The following RIPPLY3 variants were observed in gnomAD, a reference collection of about 807,000 sequenced individuals.
RIPPLY3 encodes protein ripply3.
In RIPPLY3, 8 loss-of-function variants were observed where a neutral mutation model predicts 11.9. The observed-to-expected ratio is 0.67, with a 90% CI of 0.40 to 1.21. RIPPLY3 has a LOEUF of 1.21. Ranked by LOEUF, RIPPLY3 falls within the 50% of genes most tolerant of loss-of-function variation. The pLI, the probability that RIPPLY3 is intolerant of heterozygous loss-of-function variation, is 0.01. For synonymous variants in RIPPLY3, 102 were observed against 99.0 expected (o/e 1.03, Z -0.18); for missense variants, 271 against 246.0 (o/e 1.10, Z -0.68).
At chr21:37,008,393 C>CT (rs1024515176) in intron 2 of RIPPLY3, among the ~76,000 whole-genome samples, 170 bp downstream of exon 2, 9 of 152,108 alleles carry the variant, frequency 5.9e-5, no homozygotes, top group African/African-American at 2.2e-4. Flanking sequence ...AGGTGTTAAT[C>CT]AGACCTGACT....
chr21:37,018,232 G>A lies in RIPPLY3; in HGVS notation c.*25G>A. The stretch of plus-strand genomic sequence containing the variant: ...AATCAGTCTCTGTCTCCTGGGCCCT[G>A]CTCTGGGACCTGCCCCTCACGTTCT... On this transcript the variant is annotated 3_prime_UTR_variant, in exon 4 of 4. Transcript: ENST00000329553. 6.3e-7 allele frequency: 1 copy of A among 1,587,468 alleles called. No individual in the cohort carries two copies.
At chr21:37,012,214 TA>T (rs1161170951) in intron 2 of RIPPLY3, among the ~76,000 whole-genome samples, 2,590 of 77,520 alleles carry the variant, frequency 0.033, 39 homozygotes, top group African/African-American at 0.051. Flanking sequence ...GCTCCTTATT[TA>T]TTATTATTAT....
At chr21:37,012,331 G>C (rs912956525) in intron 2 of RIPPLY3, among the ~76,000 whole-genome samples, 4 of 151,766 alleles carry the variant, frequency 2.6e-5, no homozygotes, top group Non-Finnish European at 5.9e-5. Flanking sequence ...TCCGCTTCCC[G>C]GGTTCAGGCG....
upstream of RIPPLY3, chr21:37,006,475 C>T (rs2069464112): frequency 3.6e-6 from 1 of 277,136 alleles, no homozygotes; most frequent in Non-Finnish European, 6.7e-6. This position sits in a 1 kb window ranked among gnomAD's most constrained non-coding sequence, Gnocchi z 5.2. Flanking sequence ...TCCTTGACAC[C>T]CGGCGCCACC....
At chr21:37,011,024 G>A (rs1026080299) in intron 2 of RIPPLY3, among the ~76,000 whole-genome samples, 8 of 150,152 alleles carry the variant, frequency 5.3e-5, no homozygotes, top group Admixed American at 2.0e-4. Context: ...TTTCGCTCTT[G>A]TCGCCCAGGC....
At chr21:37,013,779 G>T (rs1340418377) in intron 3 of RIPPLY3, among the ~76,000 whole-genome samples, 161 bp downstream of exon 3, 1 of 152,076 alleles carries the variant, frequency 6.6e-6, no homozygotes, top group Non-Finnish European at 1.5e-5. Context: ...GATTTTGTTG[G>T]ATTTCTGGAA....
rs1356194552 is a variant in RIPPLY3, at chr21:37,017,874, A to T, written c.240A>T (p.Arg80Ser). Reference protein sequence around the residue: ...KGAFGFQHPVRVYLPMSKRQE... With the variant: ...KGAFGFQHPVSVYLPMSKRQE... ...GGTATATTTGTTTCTTAAATATTAG[A>T]GTCTATTTACCCATGTCAAAGCGTC... The change falls in exon 4 of 4, where the codon AGA (arginine) becomes AGT (serine). Residue 80 changes from arginine (R) to serine (S), a missense_variant and splice_region_variant. Coordinates refer to ENST00000329553, the MANE Select transcript of RIPPLY3 (RefSeq NM_018962.3). 1 of 1,601,664 alleles carries T rather than the reference A, an allele frequency of 6.2e-7. No individual in the cohort carries two copies. Among genetic ancestry groups the T allele is most frequent in the Admixed American group, 1.7e-5 (1 of 58,500 alleles).
At position 37,018,104 on chromosome 21, in the gene RIPPLY3, T is replaced by C. The variant is rs375830101; in HGVS notation, c.470T>C (p.Ile157Thr). 1.1e-5 allele frequency: 17 copies of C among 1,613,886 alleles called. No homozygotes were observed. The highest frequency in any genetic ancestry group is 1.4e-5 in the Non-Finnish European group (17 of 1,179,988). The change falls in exon 4 of 4, where the codon ATC (isoleucine) becomes ACC (threonine). Residue 157 changes from isoleucine to threonine, a missense_variant. Physicochemically the swap from Ile to Thr is moderately conservative, Grantham distance 89. Transcript: ENST00000329553. ...GPGGKGRDQG[I>T]NQGQRSSGGG... The stretch of plus-strand genomic sequence containing the variant: ...GGGGGAAAGGGCAGAGACCAGGGCA[T>C]CAACCAAGGGCAGCGATCCTCAGGA...
intron 2 of RIPPLY3, among the ~76,000 whole-genome samples, chr21:37,011,408 G>A (rs927026529): frequency 2.0e-5 from 3 of 152,200 alleles, no homozygotes; most frequent in Admixed American, 2.0e-4. Flanking sequence ...AGAACTGGAC[G>A]ATTTACAGAA....
intron 3 of RIPPLY3, among the ~76,000 whole-genome samples, chr21:37,017,498 A>C (rs2069590954): frequency 6.6e-6 from 1 of 152,122 alleles, no homozygotes; most frequent in Admixed American, 6.6e-5. Flanking sequence ...GTGGGGCTTC[A>C]CCTAAATGGG....
At chr21:37,016,876 C>T (rs2069584306) in intron 3 of RIPPLY3, among the ~76,000 whole-genome samples, 2 of 151,662 alleles carry the variant, frequency 1.3e-5, no homozygotes, top group African/African-American at 4.8e-5. Context: ...GAGATTATGG[C>T]CGGGAGTGGT....
chr21:37,018,082 G>C lies in RIPPLY3; in HGVS notation c.448G>C (p.Gly150Arg). The change falls in exon 4 of 4, where the codon GGA becomes CGA. Residue 150 changes from glycine (G) to arginine (R), a missense_variant. By Grantham distance (125) the Gly-to-Arg change is moderately radical (BLOSUM62 -2). Transcript: ENST00000329553. ...VGGRQENGPG[G>R]KGRDQGINQG... ...AGGTCGGCAGGAAAATGGCCCAGGG[G>C]GAAAGGGCAGAGACCAGGGCATCAA... The C allele has an allele frequency of 6.2e-7, 1 of 1,614,108 alleles. No individual in the cohort carries two copies. Among genetic ancestry groups the C allele is most frequent in the Non-Finnish European group, 8.5e-7 (1 of 1,180,008 alleles).
chr21:37,008,340 C>T lies in RIPPLY3; in HGVS notation c.171+117C>T, dbSNP rs2069486850. ...CAGGGCCGTCCCTTGGGCGTCTAAC[C>T]CAGGAGCGCCTCGGGGTCTGGGAGT... On this transcript the variant is annotated intron_variant, in intron 2 of 3. Transcript: ENST00000329553. 5 of 1,014,996 alleles carry T rather than the reference C, an allele frequency of 4.9e-6. No homozygotes were observed. In the Admixed American group the frequency reaches 1.2e-4, roughly 25 times the overall value. The allele number at this position is 1,014,996 out of a possible 1,614,324, so 62.9% of individuals were successfully genotyped here. A position where few individuals can be genotyped will look rare whatever the true frequency, so the allele number is the denominator to read the frequency against.
chr21:37,015,624 TA>T (rs2069569980), intron 3 of RIPPLY3, among the ~76,000 whole-genome samples: 1 of 152,260 alleles, frequency 6.6e-6, no homozygotes. Flanking sequence ...GAACCCCATG[TA>T]CCCATCACCG....
At chr21:37,015,682 C>T (rs911486082) in intron 3 of RIPPLY3, among the ~76,000 whole-genome samples, 2 of 151,986 alleles carry the variant, frequency 1.3e-5, no homozygotes, top group African/African-American at 4.8e-5. Context: ...TTATCACCCG[C>T]AACTATGTTG....
At chr21:37,017,675 C>T (rs967835376) in intron 3 of RIPPLY3, among the ~76,000 whole-genome samples, 199 bp from the exon 4 acceptor site, 1 of 152,082 alleles carries the variant, frequency 6.6e-6, no homozygotes, top group African/African-American at 2.4e-5. Flanking sequence ...ACTTCTGAAC[C>T]GGGGTAGGTT....
intron 3 of RIPPLY3, among the ~76,000 whole-genome samples, chr21:37,017,152 CAAAAAAA>C (rs552999886): frequency 1.9e-5 from 2 of 106,884 alleles, no homozygotes; most frequent in African/African-American, 3.5e-5. Flanking sequence ...GACTCCCTTT[CAAAAAAA>C]AAAAAAAAAA....
rs376035189 is a variant in RIPPLY3 at position 37,019,264 on chromosome 21, CAAA to C, written c.*1076_*1078del. The C allele has an allele frequency of 0.26, 25,980 of 98,550 alleles. 2,623 individuals are homozygous for C. The highest frequency in any genetic ancestry group is 0.42 in the South Asian group (1,387 of 3,298). 6.1% of individuals were successfully genotyped at this position (98,550 alleles called of 1,614,324 possible). A position where few individuals can be genotyped will look rare whatever the true frequency, so the allele number is the denominator to read the frequency against. The stretch of plus-strand genomic sequence containing the variant: ...GGGCAACAAGAGCGAAACTCCGTCT[CAAA>C]AAAAAAAAAAAAAAAAAAGAAAGAA... On this transcript the variant is annotated 3_prime_UTR_variant, in exon 4 of 4. Transcript: ENST00000329553.
intron 2 of RIPPLY3, among the ~76,000 whole-genome samples, chr21:37,012,430 TG>T (rs576365467): frequency 4.8e-3 from 726 of 151,834 alleles, no homozygotes; most frequent in Non-Finnish European, 8.5e-3. Flanking sequence ...TAGTAGAGAC[TG>T]GGTTTCACTG....
Sources: allele counts gnomAD v4.1 joint callset (sites outside exome capture counted in the v4.1 genomes callset), GRCh38; gene constraint gnomAD v4.1.1; non-coding constraint Gnocchi (gnomAD v3.1); transcripts MANE v1.5; gene names NCBI Gene and HGNC (gene_info 2026-07-23, HGNC 2026-07-21).